Variants in PLS1 observed in about 807,000 individuals in gnomAD.
The protein encoded by PLS1 is plastin 1.
In PLS1, 32 loss-of-function variants were observed where a neutral mutation model predicts 73.7. The ratio of observed to expected loss-of-function variants is 0.43; its 90% confidence interval spans 0.33 to 0.58. The LOEUF (loss-of-function observed/expected upper bound fraction) is 0.58, where lower values mean the gene tolerates loss of function less well. Among genes scored for constraint, PLS1 ranks in the 20% least tolerant of loss-of-function variants. PLS1 has a pLI of 0.04. For missense variants in PLS1, 633 were observed against 740.5 expected (o/e 0.85, Z 1.68); for synonymous variants, 217 against 261.3 (o/e 0.83, Z 1.63).
intron 1 of PLS1, 41 bp from the exon 2 acceptor site, chr3:142,664,161 C>A: frequency 3.8e-6 from 3 of 794,110 alleles, no homozygotes; most frequent in Non-Finnish European, 4.2e-6. Context: ...TTAAATGTTT[C>A]CAAAGGCTTC....
At chr3:142,691,405 A>G (rs900438768) in intron 10 of PLS1, among the ~76,000 whole-genome samples, 3 of 152,144 alleles carry the variant, frequency 2.0e-5, no homozygotes, top group African/African-American at 7.2e-5. Flanking sequence ...ATCAGTCTGG[A>G]AAATTTCAAA....
At chr3:142,636,392 C>T (rs2036692200) in intron 1 of PLS1, among the ~76,000 whole-genome samples, 1 of 151,080 alleles carries the variant, frequency 6.6e-6, no homozygotes, top group Admixed American at 6.6e-5. Context: ...TACCCAGATG[C>T]AAAAAAAAGA....
intron 10 of PLS1, among the ~76,000 whole-genome samples, chr3:142,693,705 A>G (rs1423414222): frequency 6.6e-6 from 1 of 152,170 alleles, no homozygotes; most frequent in African/African-American, 2.4e-5. Flanking sequence ...TTTTCCTTAT[A>G]GATGATGTAA....
intron 1 of PLS1, 81 bp from the exon 2 acceptor site, chr3:142,664,121 T>A: frequency 1.9e-6 from 1 of 539,722 alleles, no homozygotes; most frequent in East Asian, 3.0e-5. Context: ...TCCTAGAGAA[T>A]GTACTTCCTC....
intron 1 of PLS1, among the ~76,000 whole-genome samples, chr3:142,625,684 A>G (rs1374574403): frequency 6.6e-6 from 1 of 152,210 alleles, no homozygotes; most frequent in African/African-American, 2.4e-5. Context: ...TATATATGAA[A>G]ATAAATGCTG....
chr3:142,623,019 AGTT>A (rs2036345854), intron 1 of PLS1, among the ~76,000 whole-genome samples: 2 of 152,058 alleles, frequency 1.3e-5, no homozygotes, highest in Non-Finnish European at 2.9e-5. Flanking sequence ...TATTCACAGG[AGTT>A]ATCATAGCAC....
chr3:142,711,932 C>T lies in PLS1; in HGVS notation c.1815C>T (p.Leu605=), dbSNP rs140883358. 2.1e-5 allele frequency: 34 copies of T among 1,612,972 alleles called. No homozygotes were observed. The South Asian group carries it at 2.9e-4, about 14-fold the overall frequency. The change falls in exon 16 of 16, where the codon CTC becomes CTT. Residue 605 remains leucine (L), a synonymous_variant. Coordinates refer to ENST00000457734, the MANE Select transcript of PLS1 (RefSeq NM_001145319.2). ...GGATATATGCATTACCTGATGACCT[C>T]GTAGAAGTGAAACCAAAGATGGTTA... The part of the protein sequence containing the change: ...GARIYALPDD[L]VEVKPKMVMT...
intron 2 of PLS1, 22 bp downstream of exon 2, chr3:142,664,329 T>A: frequency 7.9e-7 from 1 of 1,266,584 alleles, no homozygotes; most frequent in Non-Finnish European, 1.1e-6. Context: ...AAAAAGTAAA[T>A]ATGATATTAC....
At chr3:142,675,248 T>C (rs560793875) in intron 4 of PLS1, among the ~76,000 whole-genome samples, 1 of 152,376 alleles carries the variant, frequency 6.6e-6, no homozygotes, top group East Asian at 1.9e-4. Context: ...GATGGTCTGC[T>C]TCTGACTCAT....
At chr3:142,645,846 C>T (rs938317397) in intron 1 of PLS1, among the ~76,000 whole-genome samples, 1 of 151,970 alleles carries the variant, frequency 6.6e-6, no homozygotes, top group African/African-American at 2.4e-5. Context: ...TCTTTTAATC[C>T]ATTCCCTGAG....
chr3:142,646,316 A>G (rs928380663), intron 1 of PLS1, among the ~76,000 whole-genome samples: 3 of 152,136 alleles, frequency 2.0e-5, no homozygotes, highest in Non-Finnish European at 2.9e-5. Context: ...TTTTTTGGAT[A>G]GGGAGCTAGG....
chr3:142,672,238 C>T (rs922841583), intron 4 of PLS1, among the ~76,000 whole-genome samples: 1 of 151,542 alleles, frequency 6.6e-6, no homozygotes. Flanking sequence ...AGTAACTATT[C>T]TTCCCTAGAG....
At chr3:142,657,679 G>T (rs1487333162) in intron 1 of PLS1, among the ~76,000 whole-genome samples, 1 of 151,994 alleles carries the variant, frequency 6.6e-6, no homozygotes, top group Non-Finnish European at 1.5e-5. Context: ...TAGTAGAGAC[G>T]GGGTTTCACT....
At chr3:142,711,714 AT>A (rs1933136385) in intron 15 of PLS1, 89 bp downstream of exon 15, 3 of 1,319,226 alleles carry the variant, frequency 2.3e-6, no homozygotes, top group Non-Finnish European at 2.1e-6. Context: ...TAAAATTCAT[AT>A]TTTTAAATAT....
At chr3:142,650,951 G>A (rs2037074767) in intron 1 of PLS1, among the ~76,000 whole-genome samples, 1 of 152,096 alleles carries the variant, frequency 6.6e-6, no homozygotes, top group Non-Finnish European at 1.5e-5. Flanking sequence ...AGTCTCTGTG[G>A]TTAATAGGCT....
At chr3:142,644,955 T>C (rs2036921426) in intron 1 of PLS1, among the ~76,000 whole-genome samples, 1 of 152,214 alleles carries the variant, frequency 6.6e-6, no homozygotes, top group Admixed American at 6.5e-5. Flanking sequence ...AAATATCTGG[T>C]TTCCCTAAGG....
intron 4 of PLS1, among the ~76,000 whole-genome samples, chr3:142,675,196 A>AT (rs896461519): frequency 8.6e-5 from 13 of 151,784 alleles, no homozygotes; most frequent in African/African-American, 3.1e-4. Context: ...TGTTTCTTGT[A>AT]TTTTTTTCCT....
intron 1 of PLS1, among the ~76,000 whole-genome samples, chr3:142,651,866 C>T (rs1323553218): frequency 2.6e-5 from 4 of 152,244 alleles, no homozygotes; most frequent in Non-Finnish European, 2.9e-5. Context: ...CCCTGGGCCT[C>T]ATTTCTCTTG....
chr3:142,708,105 G>A lies in PLS1; in HGVS notation c.1630-3396G>A, dbSNP rs1268401558. ...TTAACAGTACCTAGCACATATTAAGGGCTCAATAAATGGGGCTTACCACGC... is the reference window on the plus strand; with the variant it reads ...TTAACAGTACCTAGCACATATTAAGAGCTCAATAAATGGGGCTTACCACGC... On this transcript the variant is annotated intron_variant, in intron 14 of 15. Coordinates refer to ENST00000457734, the MANE Select transcript of PLS1 (RefSeq NM_001145319.2). 2.6e-5 allele frequency among the ~76,000 whole-genome samples: 4 copies of A among 152,032 alleles called. No individual in the cohort carries two copies. The East Asian group carries it at 7.7e-4, about 29-fold the overall frequency.
Sources: allele counts gnomAD v4.1 joint callset (sites outside exome capture counted in the v4.1 genomes callset), GRCh38; gene constraint gnomAD v4.1.1; transcripts MANE v1.5; gene names NCBI Gene and HGNC (gene_info 2026-07-23, HGNC 2026-07-21).